The following NPEPPS variants were observed in gnomAD, a reference collection of about 807,000 sequenced individuals.
NPEPPS encodes the protein aminopeptidase puromycin sensitive, also known as puromycin-sensitive aminopeptidase.
A neutral mutation model predicts 115.5 loss-of-function variants in NPEPPS; 14 were observed. The observed-to-expected ratio is 0.12, with a 90% confidence interval of 0.08 to 0.19. NPEPPS has a LOEUF of 0.19. Ranked by LOEUF, NPEPPS falls within the 10% of genes least tolerant of loss-of-function variation. NPEPPS has a pLI of 1.00. For missense variants in NPEPPS, 523 were observed against 1,110.8 expected, an observed-to-expected ratio of 0.47 and a Z score of 7.52; for synonymous variants, 285 against 390.6, an observed-to-expected ratio of 0.73 and a Z score of 3.19.
At chr17:47,559,829 G>A (rs372840900) in intron 2 of NPEPPS, 1 of 330,252 alleles carries the variant, frequency 3.0e-6, no homozygotes, top group African/African-American at 2.2e-5. Context: ...TGTGTTACTT[G>A]AACTCCTGGG....
intron 12 of NPEPPS, among the ~76,000 whole-genome samples, chr17:47,594,923 C>T (rs974129005): frequency 8.1e-5 from 12 of 147,816 alleles, no homozygotes; most frequent in African/African-American, 1.2e-4. Context: ...TGAGCCACCG[C>T]GCCTGGCCTA....
intron 2 of NPEPPS, among the ~76,000 whole-genome samples, chr17:47,562,505 C>T (rs1047780440): frequency 6.6e-6 from 1 of 151,850 alleles, no homozygotes; most frequent in Admixed American, 6.6e-5. Context: ...TGATTTTTCT[C>T]CACAAGGGGA....
chr17:47,589,776 T>C (rs1340142804), intron 9 of NPEPPS, among the ~76,000 whole-genome samples: 1 of 152,214 alleles, frequency 6.6e-6, no homozygotes, highest in Non-Finnish European at 1.5e-5. Context: ...TCACATAATT[T>C]TTATATAAGC....
intron 17 of NPEPPS, among the ~76,000 whole-genome samples, chr17:47,608,229 T>C (rs750282646): frequency 2.6e-4 from 40 of 151,520 alleles, no homozygotes; most frequent in Middle Eastern, 3.4e-3. Flanking sequence ...CTGAGGGGGG[T>C]GGAACATCTG....
upstream of NPEPPS, among the ~76,000 whole-genome samples, chr17:47,528,619 G>A (rs1008019057): frequency 3.9e-5 from 6 of 151,980 alleles, no homozygotes; most frequent in African/African-American, 1.2e-4. Context: ...AACAAAATAA[G>A]TAAAATATCT....
At chr17:47,535,932 G>A (rs1043528387) in intron 1 of NPEPPS, among the ~76,000 whole-genome samples, 4 of 150,830 alleles carry the variant, frequency 2.7e-5, no homozygotes, top group African/African-American at 4.9e-5. Flanking sequence ...TGCCTCCCGG[G>A]TTCAAGCAAT....
intron 1 of NPEPPS, among the ~76,000 whole-genome samples, chr17:47,537,505 A>G (rs1448246371): frequency 6.6e-6 from 1 of 152,150 alleles, no homozygotes; most frequent in Non-Finnish European, 1.5e-5. Flanking sequence ...CAGCCTGGAC[A>G]ACATGGTGAA....
At chr17:47,545,801 C>A in intron 1 of NPEPPS, 108 bp from the exon 2 acceptor site, 2 of 1,472,092 alleles carry the variant, frequency 1.4e-6, no homozygotes, top group South Asian at 1.3e-5. Flanking sequence ...CTTTGCTTGG[C>A]CTCCCAAAGT....
chr17:47,591,298 G>T (rs1373936771), intron 10 of NPEPPS, among the ~76,000 whole-genome samples: 2 of 152,104 alleles, frequency 1.3e-5, no homozygotes, highest in Non-Finnish European at 2.9e-5. Context: ...TTGAACCTGG[G>T]AGGCAGAGGT....
chr17:47,590,855 G>A lies in NPEPPS; in HGVS notation c.1234G>A (p.Ala412Thr). 3 of 1,594,558 alleles carry A rather than the reference G, an allele frequency of 1.9e-6. No individual in the cohort carries two copies. Among genetic ancestry groups the A allele is most frequent in the Admixed American group, 1.7e-5 (1 of 57,698 alleles). The change falls in exon 10 of 23, where the codon GCC (alanine) becomes ACC (threonine). Residue 412 changes from alanine (A) to threonine (T), a missense_variant. Ala to Thr is a moderately conservative substitution (Grantham distance 58, BLOSUM62 0). Coordinates refer to ENST00000322157, the MANE Select transcript of NPEPPS (RefSeq NM_006310.4). Reference protein sequence around the residue: ...ADYTRAQELDALDNSHPIEVS... With the variant: ...ADYTRAQELDTLDNSHPIEVS... The stretch of plus-strand genomic sequence containing the variant: ...TTACACCCGTGCCCAGGAGCTTGAC[G>A]CCTTAGATAACAGCCATCCTATTGA...
chr17:47,610,373 G>A (rs1480390804), intron 17 of NPEPPS, among the ~76,000 whole-genome samples: 1 of 151,736 alleles, frequency 6.6e-6, no homozygotes, highest in African/African-American at 2.4e-5. Flanking sequence ...GCATGTATCA[G>A]TCTTTCATTC....
chr17:47,574,000 G>T (rs879531181), intron 3 of NPEPPS, among the ~76,000 whole-genome samples: 9 of 152,030 alleles, frequency 5.9e-5, no homozygotes, highest in African/African-American at 2.2e-4. Flanking sequence ...TATATATTTG[G>T]AAAAATTACA....
intron 2 of NPEPPS, among the ~76,000 whole-genome samples, chr17:47,565,441 G>A (rs1231970389): frequency 6.7e-6 from 1 of 148,350 alleles, no homozygotes; most frequent in African/African-American, 2.5e-5. Flanking sequence ...GGGAGGCGGA[G>A]GTTGCAGTGA....
At chr17:47,590,385 A>G (rs1912426424) in intron 9 of NPEPPS, among the ~76,000 whole-genome samples, 1 of 152,028 alleles carries the variant, frequency 6.6e-6, no homozygotes, top group Admixed American at 6.5e-5. Context: ...TTAGGCAGGC[A>G]TAGTGATACA....
intron 1 of NPEPPS, among the ~76,000 whole-genome samples, chr17:47,540,550 T>C (rs1279766834): frequency 6.6e-6 from 1 of 152,248 alleles, no homozygotes; most frequent in Non-Finnish European, 1.5e-5. Flanking sequence ...CATACACTTA[T>C]GTCCAAACAG....
Position 47,532,721 on chromosome 17 carries a change from A to G in NPEPPS, c.255+1166A>G, listed in dbSNP as rs902510273. 2.4e-4 allele frequency among the ~76,000 whole-genome samples: 36 copies of G among 151,658 alleles called. 1 individual carries two copies. Among genetic ancestry groups the G allele is most frequent in the South Asian group, 1.0e-3 (5 of 4,806 alleles). On this transcript the variant is annotated intron_variant, in intron 1 of 22. Transcript: ENST00000322157. ...TATTAGTTATAACATACCACCGGTG[A>G]AAATATTCCATTACTCTTCACTGCA... is the stretch of plus-strand genomic sequence containing the variant.
intron 3 of NPEPPS, among the ~76,000 whole-genome samples, chr17:47,571,095 G>A (rs866449751): frequency 6.6e-6 from 1 of 152,144 alleles, no homozygotes; most frequent in Admixed American, 6.5e-5. Context: ...TCTATATAGT[G>A]AAATATACTT....
intron 1 of NPEPPS, among the ~76,000 whole-genome samples, chr17:47,525,949 G>A (rs1292612122): frequency 1.3e-5 from 2 of 152,130 alleles, no homozygotes; most frequent in Admixed American, 6.6e-5. Context: ...GGTGGCTCAC[G>A]CCTGTAATCC....
At chr17:47,610,401 G>A (rs10163469) in intron 17 of NPEPPS, among the ~76,000 whole-genome samples, 67,565 of 150,636 alleles carry the variant, frequency 0.45, 16,074 homozygotes, top group East Asian at 0.55. Flanking sequence ...TTTTGGGGGG[G>A]GGTAACAGAG....
Sources: allele counts gnomAD v4.1 joint callset (sites outside exome capture counted in the v4.1 genomes callset), GRCh38; gene constraint gnomAD v4.1.1; transcripts MANE v1.5; gene names NCBI Gene and HGNC (gene_info 2026-07-23, HGNC 2026-07-21).